Variants in CLSTN2 observed in about 807,000 individuals in gnomAD.
CLSTN2 encodes calsyntenin-2.
CLSTN2 carries 48 observed loss-of-function variants against 101.2 expected under a neutral mutation model. That is an observed-to-expected ratio of 0.47 (90% confidence interval 0.38 to 0.60). The LOEUF is 0.60. Among genes scored for constraint, CLSTN2 ranks in the 20% least tolerant of loss-of-function variants. The probability of loss-of-function intolerance (pLI) is 0.00; values close to 1 mark genes in which losing one functional copy is unlikely to be tolerated. For synonymous variants in CLSTN2, 481 were observed against 463.6 expected (o/e 1.04, Z -0.48); for missense variants, 1,160 against 1,238.2 (o/e 0.94, Z 0.95).
chr3:140,456,124 G>C (rs1018429647), intron 6 of CLSTN2, among the ~76,000 whole-genome samples: 1 of 152,242 alleles, frequency 6.6e-6, no homozygotes, highest in African/African-American at 2.4e-5. Context: ...GGGTATCTGA[G>C]AGCTGGGCCT....
chr3:140,190,188 T>C (rs2010539714), intron 2 of CLSTN2, among the ~76,000 whole-genome samples: 1 of 152,120 alleles, frequency 6.6e-6, no homozygotes. Context: ...ACATATGTAA[T>C]TGCTGGGAGG....
chr3:140,423,723 A>G lies in CLSTN2; in HGVS notation c.787+2449A>G, dbSNP rs189675558. On this transcript the variant is annotated intron_variant, in intron 5 of 16. Coordinates refer to ENST00000458420, the MANE Select transcript of CLSTN2 (RefSeq NM_022131.3). ...ACATGCCCAGACATGTCACAGTACC[A>G]GGCTTATCAGTACCAGCTCACATTC... 5.3e-5 allele frequency among the ~76,000 whole-genome samples: 8 copies of G among 152,222 alleles called. No homozygotes were observed. The East Asian group carries it at 1.5e-3, about 29-fold the overall frequency.
rs559574216 is a variant in CLSTN2, at chr3:140,355,029, C to G, written c.233-48600C>G. 5.3e-5 allele frequency among the ~76,000 whole-genome samples: 8 copies of G among 152,302 alleles called. No homozygotes were observed. In the South Asian group the frequency reaches 1.7e-3, roughly 32 times the overall value. Reference sequence around the variant, plus strand: ...GAAGAAGCTCAAGACCTGGTCCCATCCTTATGGGATCTAGACTTAGTTGGT... The same window carrying G: ...GAAGAAGCTCAAGACCTGGTCCCATGCTTATGGGATCTAGACTTAGTTGGT... On this transcript the variant is annotated intron_variant, in intron 2 of 16. Transcript: ENST00000458420.
At chr3:140,471,350 G>A (rs1372162715) in intron 8 of CLSTN2, among the ~76,000 whole-genome samples, 3 of 152,168 alleles carry the variant, frequency 2.0e-5, no homozygotes, top group African/African-American at 7.2e-5. Flanking sequence ...ATCTGCTGAT[G>A]TTTTACAGTA....
chr3:140,455,789 ATCT>A (rs1476392097), intron 6 of CLSTN2, among the ~76,000 whole-genome samples: 8 of 152,212 alleles, frequency 5.3e-5, no homozygotes, highest in African/African-American at 1.9e-4. Flanking sequence ...GAGAAAGTAA[ATCT>A]TCTCAGTTTG....
chr3:140,329,725 C>T (rs2087363677), intron 2 of CLSTN2, among the ~76,000 whole-genome samples: 1 of 152,216 alleles, frequency 6.6e-6, no homozygotes, highest in Admixed American at 6.5e-5. Context: ...ATCTGGCTTC[C>T]TGTATTCATG....
At chr3:140,315,954 G>A (rs766945566) in intron 2 of CLSTN2, among the ~76,000 whole-genome samples, 4 of 152,188 alleles carry the variant, frequency 2.6e-5, no homozygotes, top group Non-Finnish European at 2.9e-5. Flanking sequence ...AGAGAGGGGA[G>A]CTTAGTGGAA....
intron 2 of CLSTN2, among the ~76,000 whole-genome samples, chr3:140,325,784 C>G (rs1043089540): frequency 1.3e-5 from 2 of 152,122 alleles, no homozygotes; most frequent in South Asian, 2.1e-4. Context: ...GCTAGCCATT[C>G]GGGACAAATA....
intron 16 of CLSTN2, among the ~76,000 whole-genome samples, chr3:140,565,020 C>T (rs1323562801): frequency 6.6e-6 from 1 of 152,216 alleles, no homozygotes; most frequent in Non-Finnish European, 1.5e-5. Flanking sequence ...CTCAGTTCCT[C>T]CAAGCATGTG....
chr3:140,355,930 T>C (rs1299982680), intron 2 of CLSTN2, among the ~76,000 whole-genome samples: 1 of 152,210 alleles, frequency 6.6e-6, no homozygotes, highest in Non-Finnish European at 1.5e-5. Flanking sequence ...TGTGTTTGAA[T>C]AAAAAATGAA....
chr3:140,491,342 G>A (rs1037513410), intron 8 of CLSTN2, among the ~76,000 whole-genome samples: 2 of 152,144 alleles, frequency 1.3e-5, no homozygotes, highest in Non-Finnish European at 2.9e-5. Flanking sequence ...GCACTTAAAT[G>A]TTTCAGTGGT....
chr3:140,210,915 T>G (rs2107846409), intron 2 of CLSTN2, among the ~76,000 whole-genome samples: 1 of 152,302 alleles, frequency 6.6e-6, no homozygotes, highest in Non-Finnish European at 1.5e-5. Context: ...CCTAGGAAGC[T>G]TTGGGTCTTC....
At chr3:140,556,903 C>T (rs960858642) in intron 11 of CLSTN2, 10 of 470,346 alleles carry the variant, frequency 2.1e-5, no homozygotes, top group Non-Finnish European at 3.8e-5. Context: ...TATCTAATGC[C>T]TAGAAGGTAC....
At chr3:140,543,301 G>A (rs1935525102) in intron 9 of CLSTN2, among the ~76,000 whole-genome samples, 1 of 152,136 alleles carries the variant, frequency 6.6e-6, no homozygotes, top group African/African-American at 2.4e-5. Context: ...ACGGGAACAT[G>A]CTAATGGCTT....
Position 140,319,691 on chromosome 3 carries a change from G to A in CLSTN2, c.233-83938G>A, listed in dbSNP as rs540687587. ...ATAAGAGGTTTGTCAGGAATAGAGAGATGACACATGGAAGGTTCTGAGCAT... is the reference window on the plus strand; with the variant it reads ...ATAAGAGGTTTGTCAGGAATAGAGAAATGACACATGGAAGGTTCTGAGCAT... On this transcript the variant is annotated intron_variant, in intron 2 of 16. Coordinates refer to ENST00000458420, the MANE Select transcript of CLSTN2 (RefSeq NM_022131.3). Among the ~76,000 whole-genome samples, 8 of 152,348 alleles carry A rather than the reference G, an allele frequency of 5.3e-5. No homozygotes were observed. In the East Asian group the frequency reaches 1.2e-3, roughly 22 times the overall value.
chr3:140,228,718 G>T (rs1170976706), intron 2 of CLSTN2, among the ~76,000 whole-genome samples: 2 of 152,192 alleles, frequency 1.3e-5, no homozygotes, highest in African/African-American at 4.8e-5. Flanking sequence ...ATGGCGGAAG[G>T]CAAGGAGGAG....
intron 1 of CLSTN2, among the ~76,000 whole-genome samples, chr3:140,134,539 T>A (rs2009570800): frequency 6.6e-6 from 1 of 152,186 alleles, no homozygotes; most frequent in Non-Finnish European, 1.5e-5. Context: ...AAATAATGTT[T>A]CCATAGAAAC....
rs1216720614 is a variant in CLSTN2 at position 140,334,633 on chromosome 3, C to A, written c.233-68996C>A. Reference sequence around the variant, plus strand: ...AATTTCAATATGTTCTGCTAAATGACAGAATGAAGGGACATTCCTCCATGT... The same window carrying A: ...AATTTCAATATGTTCTGCTAAATGAAAGAATGAAGGGACATTCCTCCATGT... On this transcript the variant is annotated intron_variant, in intron 2 of 16. Transcript: ENST00000458420. 2.6e-5 allele frequency among the ~76,000 whole-genome samples: 4 copies of A among 152,166 alleles called. No homozygotes were observed. The East Asian group carries it at 7.7e-4, about 29-fold the overall frequency.
At chr3:140,001,612 T>C (rs2006842233) in intron 1 of CLSTN2, among the ~76,000 whole-genome samples, 1 of 152,178 alleles carries the variant, frequency 6.6e-6, no homozygotes, top group Admixed American at 6.5e-5. Context: ...ATCCTTTGTG[T>C]TACAAACGAT....
Sources: allele counts gnomAD v4.1 joint callset (sites outside exome capture counted in the v4.1 genomes callset), GRCh38; gene constraint gnomAD v4.1.1; transcripts MANE v1.5; gene names NCBI Gene and HGNC (gene_info 2026-07-23, HGNC 2026-07-21).